Variants in TBC1D10A observed in about 807,000 individuals in gnomAD.
The protein encoded by TBC1D10A is TBC1 domain family member 10A.
TBC1D10A carries 24 observed loss-of-function variants against 52.9 expected under a neutral mutation model. That is an observed-to-expected ratio of 0.45 (90% CI 0.33 to 0.64). The LOEUF (loss-of-function observed/expected upper bound fraction) is 0.64. TBC1D10A is among the 30% of genes least tolerant of loss of function. The probability of loss-of-function intolerance (pLI) is 0.02; values close to 1 mark genes in which losing one functional copy is unlikely to be tolerated. For missense variants in TBC1D10A, 602 were observed against 687.9 expected, an observed-to-expected ratio of 0.88 and a Z score of 1.40; for synonymous variants, 278 against 282.9, an observed-to-expected ratio of 0.98 and a Z score of 0.17.
intron 1 of TBC1D10A, among the ~76,000 whole-genome samples, chr22:30,325,404 T>C (rs940385651): frequency 3.3e-5 from 5 of 152,192 alleles, no homozygotes; most frequent in South Asian, 2.1e-4. Context: ...TGGGGTGACC[T>C]TGGACAATCT....
At chr22:30,301,083 T>C (rs748172078) in intron 2 of TBC1D10A, among the ~76,000 whole-genome samples, 1 of 152,016 alleles carries the variant, frequency 6.6e-6, no homozygotes, top group Non-Finnish European at 1.5e-5. Flanking sequence ...GGGGGTAAAT[T>C]TGTCATACAA....
At chr22:30,320,898 C>T (rs1037369142) in intron 1 of TBC1D10A, among the ~76,000 whole-genome samples, 4 of 152,228 alleles carry the variant, frequency 2.6e-5, no homozygotes, top group African/African-American at 9.6e-5. Context: ...ACACAGCCAG[C>T]CAGATTCTGG....
chr22:30,305,444 A>C (rs1930291712), intron 1 of TBC1D10A: 1 of 152,272 alleles, frequency 6.6e-6, no homozygotes. Flanking sequence ...AATGACAGAC[A>C]AGGAAACAGG....
chr22:30,320,967 T>C (rs12170576), intron 1 of TBC1D10A, among the ~76,000 whole-genome samples: 3,258 of 152,224 alleles, frequency 0.021, 107 homozygotes, highest in African/African-American at 0.073. Flanking sequence ...TATAAACAGA[T>C]TGGGTGGCTG....
At chr22:30,316,756 T>G (rs1930545639) in intron 1 of TBC1D10A, among the ~76,000 whole-genome samples, 1 of 152,172 alleles carries the variant, frequency 6.6e-6, no homozygotes, top group East Asian at 1.9e-4. Context: ...GCTGCCTTAG[T>G]TGGCTGGCAC....
rs960816601 is a variant in TBC1D10A, at chr22:30,303,741, G to T, written c.309+790C>A. Among the ~76,000 whole-genome samples the T allele has an allele frequency of 3.9e-5, 6 of 152,228 alleles. No individual in the cohort carries two copies. In the East Asian group the frequency reaches 9.6e-4, roughly 24 times the overall value. On this transcript the variant is annotated intron_variant, in intron 2 of 8. Coordinates refer to ENST00000215790, the MANE Select transcript of TBC1D10A (RefSeq NM_031937.3). Reference sequence around the variant, plus strand: ...GAACTTGTACAGAGAGACCCTAGCTGTAAGGCTCGGAACAGGCCTCCTCTA... The same window carrying T: ...GAACTTGTACAGAGAGACCCTAGCTTTAAGGCTCGGAACAGGCCTCCTCTA...
At chr22:30,323,094 G>A (rs1365846861) in intron 1 of TBC1D10A, among the ~76,000 whole-genome samples, 1 of 151,630 alleles carries the variant, frequency 6.6e-6, no homozygotes, top group Non-Finnish European at 1.5e-5. Flanking sequence ...TTGTAGAGAT[G>A]GAGTTTCACC....
intron 6 of TBC1D10A, among the ~76,000 whole-genome samples, chr22:30,294,389 A>C (rs1930028026): frequency 6.6e-6 from 1 of 152,184 alleles, no homozygotes; most frequent in South Asian, 2.1e-4. Context: ...GACTGCTCTC[A>C]AGCATGTGCT....
At chr22:30,318,237 T>C (rs1161951181) in intron 1 of TBC1D10A, among the ~76,000 whole-genome samples, 1 of 152,150 alleles carries the variant, frequency 6.6e-6, no homozygotes, top group African/African-American at 2.4e-5. Context: ...GATCAGTGTA[T>C]GCTGTGTCCA....
intron 1 of TBC1D10A, among the ~76,000 whole-genome samples, chr22:30,326,213 G>C (rs1043348997): frequency 3.3e-5 from 5 of 151,278 alleles, no homozygotes; most frequent in Non-Finnish European, 7.4e-5. Flanking sequence ...GGGGCAGTGA[G>C]GCGGGGAGAC....
At chr22:30,296,203 C>T (rs73404588) in intron 3 of TBC1D10A, 164 of 214,804 alleles carry the variant, frequency 7.6e-4, no homozygotes, top group African/African-American at 3.7e-3. Context: ...TGAGCAATAG[C>T]TACCAGCTGT....
chr22:30,293,829 T>A, intron 7 of TBC1D10A, 24 bp from the exon 8 acceptor site: 1 of 1,604,048 alleles, frequency 6.2e-7, no homozygotes, highest in Non-Finnish European at 8.5e-7. Context: ...GGGCAGTAAG[T>A]ACAAGGAAGC....
At chr22:30,303,557 G>A (rs1030900133) in intron 2 of TBC1D10A, among the ~76,000 whole-genome samples, 1 of 152,252 alleles carries the variant, frequency 6.6e-6, no homozygotes, top group Admixed American at 6.5e-5. Flanking sequence ...GTTAGCCACA[G>A]GTGTGAAGAG....
chr22:30,295,387 C>A (rs1013531640), intron 4 of TBC1D10A, among the ~76,000 whole-genome samples: 1 of 152,182 alleles, frequency 6.6e-6, no homozygotes, highest in African/African-American at 2.4e-5. Flanking sequence ...CTTGGCCGGG[C>A]CAGCTTTGTC....
intron 1 of TBC1D10A, among the ~76,000 whole-genome samples, chr22:30,308,284 A>ATGCCTGCATGCCTGAATGCCTGCC (rs1555973980): frequency 0.022 from 2,651 of 119,706 alleles, 34 homozygotes; most frequent in East Asian, 0.037. Context: ...CACAGCCTGC[A>ATGCCTGCATGCCTGAATGCCTGCC]TGCCTGCATG....
At chr22:30,322,968 T>C (rs1479782420) in intron 1 of TBC1D10A, among the ~76,000 whole-genome samples, 1 of 150,890 alleles carries the variant, frequency 6.6e-6, no homozygotes, top group African/African-American at 2.4e-5. Context: ...TGGCACCATC[T>C]TGGCTTACTG....
At chr22:30,313,247 T>G (rs1930462001) in intron 1 of TBC1D10A, among the ~76,000 whole-genome samples, 1 of 152,070 alleles carries the variant, frequency 6.6e-6, no homozygotes, top group African/African-American at 2.4e-5. Flanking sequence ...GAGGCAGCAT[T>G]TCATGAGAAG....
At chr22:30,303,180 G>A (rs1344309174) in intron 2 of TBC1D10A, among the ~76,000 whole-genome samples, 1 of 152,198 alleles carries the variant, frequency 6.6e-6, no homozygotes, top group Non-Finnish European at 1.5e-5. Flanking sequence ...TTGGGAGGCT[G>A]AGGTGGGAGA....
intron 2 of TBC1D10A, among the ~76,000 whole-genome samples, chr22:30,303,306 T>TAGATAGATAGACAGAC (rs139722034): frequency 1.8e-4 from 27 of 149,024 alleles, no homozygotes; most frequent in Non-Finnish European, 3.0e-4. Context: ...GATAGATAGA[T>TAGATAGATAGACAGAC]AGACAGACAG....
Sources: allele counts gnomAD v4.1 joint callset (sites outside exome capture counted in the v4.1 genomes callset), GRCh38; gene constraint gnomAD v4.1.1; transcripts MANE v1.5; gene names NCBI Gene and HGNC (gene_info 2026-07-23, HGNC 2026-07-21).